The following MARCHF1 variants were observed in gnomAD, a reference collection of about 807,000 sequenced individuals.
MARCHF1 encodes membrane associated ring-CH-type finger 1, also known as E3 ubiquitin-protein ligase MARCHF1.
In MARCHF1, 40 loss-of-function variants were observed where a neutral mutation model predicts 54.2. The ratio of observed to expected loss-of-function variants is 0.74; its 90% CI spans 0.57 to 0.96. The LOEUF is 0.96. Ranked by LOEUF, MARCHF1 falls within the 40% of genes least tolerant of loss-of-function variation. The pLI is 0.00. For missense variants in MARCHF1, 586 were observed against 656.5 expected (o/e 0.89, Z 1.17); for synonymous variants, 236 against 236.3 (o/e 1.00, Z 0.01).
intron 4 of MARCHF1, among the ~76,000 whole-genome samples, chr4:163,833,736 T>TG (rs1348755241): frequency 6.6e-6 from 1 of 152,094 alleles, no homozygotes; most frequent in African/African-American, 2.4e-5. Context: ...TAACGTGGTG[T>TG]GGGGCATGTC....
rs184081001 is a variant in MARCHF1, at chr4:163,539,184, C to G, written c.1339+6412G>C. Among the ~76,000 whole-genome samples the G allele has an allele frequency of 1.4e-3, 213 of 152,090 alleles. 1 individual carries two copies. Among genetic ancestry groups the G allele is most frequent in the Non-Finnish European group, 2.5e-3 (172 of 67,992 alleles). On this transcript the variant is annotated intron_variant, in intron 9 of 9. Transcript: ENST00000514618. ...TACAGGCATGCACCACCATGCCCAG[C>G]TAAGTTTTGTATTTTTAGTAGAGAC...
intron 1 of MARCHF1, among the ~76,000 whole-genome samples, chr4:164,294,758 C>T (rs547922974): frequency 4.6e-5 from 7 of 152,108 alleles, no homozygotes; most frequent in Admixed American, 6.6e-5. Context: ...TATTGCAATG[C>T]TTCTTGGCCT....
At chr4:164,146,372 C>G (rs1334853232) in intron 1 of MARCHF1, among the ~76,000 whole-genome samples, 1 of 151,712 alleles carries the variant, frequency 6.6e-6, no homozygotes, top group Non-Finnish European at 1.5e-5. Flanking sequence ...CAAGTCAATC[C>G]TGAACCAAAA....
chr4:163,870,840 G>A (rs2111216120), intron 3 of MARCHF1, among the ~76,000 whole-genome samples: 1 of 152,240 alleles, frequency 6.6e-6, no homozygotes, highest in South Asian at 2.1e-4. Flanking sequence ...GGGAAGTGTG[G>A]AGGGAAGAGC....
chr4:164,142,407 G>T (rs1461900149), intron 1 of MARCHF1, among the ~76,000 whole-genome samples: 1 of 152,170 alleles, frequency 6.6e-6, no homozygotes, highest in Non-Finnish European at 1.5e-5. Flanking sequence ...AACCTCTGCA[G>T]ACTTAAATGT....
At chr4:163,552,973 C>T (rs1239854046) in intron 8 of MARCHF1, among the ~76,000 whole-genome samples, 1 of 147,754 alleles carries the variant, frequency 6.8e-6, no homozygotes, top group Non-Finnish European at 1.5e-5. Flanking sequence ...GCGGAGCTTG[C>T]AGTGAGCCGA....
intron 1 of MARCHF1, among the ~76,000 whole-genome samples, chr4:164,133,704 A>G (rs1481562720): frequency 6.6e-6 from 1 of 152,194 alleles, no homozygotes; most frequent in Non-Finnish European, 1.5e-5. Context: ...AGCCCAAAAA[A>G]AGAACTAAAA....
Position 163,613,335 on chromosome 4 carries a change from GGACA to G in MARCHF1, c.217_220del (p.Cys73HisfsTer29). The G allele has an allele frequency of 6.2e-7, 1 of 1,612,630 alleles. No homozygotes were observed. Among genetic ancestry groups the G allele is most frequent in the African/African-American group, 1.3e-5 (1 of 74,944 alleles). ...TTACCTGCAGATGTCCTGAGTGGATGGACAGACAGACAACCTTGACTGGCTCCTG... is the reference window on the plus strand; with the variant it reads ...TTACCTGCAGATGTCCTGAGTGGATGGACAGACAACCTTGACTGGCTCCTG... On this transcript the variant is annotated frameshift_variant, in exon 6 of 10. Transcript: ENST00000514618. LOFTEE classifies it high-confidence loss of function.
At chr4:164,301,919 G>C (rs1384430984) in intron 1 of MARCHF1, among the ~76,000 whole-genome samples, 1 of 152,140 alleles carries the variant, frequency 6.6e-6, no homozygotes, top group Non-Finnish European at 1.5e-5. Context: ...GAAAGACATA[G>C]GGTGCCCTAA....
At chr4:164,344,106 A>G (rs1231494219) in intron 1 of MARCHF1, among the ~76,000 whole-genome samples, 1 of 152,210 alleles carries the variant, frequency 6.6e-6, no homozygotes, top group Non-Finnish European at 1.5e-5. Context: ...CACAATCCTA[A>G]GCAAACAAAC....
chr4:164,241,705 A>T (rs1157945503), intron 1 of MARCHF1, among the ~76,000 whole-genome samples: 3 of 152,100 alleles, frequency 2.0e-5, no homozygotes, highest in Non-Finnish European at 4.4e-5. Context: ...CTGCATTTCC[A>T]TCTGAGGTAC....
At chr4:163,568,547 C>T (rs6818281) in intron 8 of MARCHF1, among the ~76,000 whole-genome samples, 69,272 of 151,828 alleles carry the variant, frequency 0.46, 15,904 homozygotes, top group East Asian at 0.52. Flanking sequence ...TCAAAAGACT[C>T]GAGCCTACCT....
chr4:163,862,591 T>C (rs1749962975), intron 3 of MARCHF1, among the ~76,000 whole-genome samples: 1 of 152,096 alleles, frequency 6.6e-6, no homozygotes, highest in Non-Finnish European at 1.5e-5. Flanking sequence ...AGGTATTCTT[T>C]TCCATTGCTC....
intron 3 of MARCHF1, among the ~76,000 whole-genome samples, chr4:163,915,305 C>A (rs749972624): frequency 1.3e-5 from 2 of 151,946 alleles, no homozygotes; most frequent in Non-Finnish European, 2.9e-5. Flanking sequence ...TCTGTGATAT[C>A]CCCACCCCAA....
chr4:164,184,789 C>T (rs1946566), intron 1 of MARCHF1, among the ~76,000 whole-genome samples: 57,263 of 151,928 alleles, frequency 0.38, 12,237 homozygotes, highest in Non-Finnish European at 0.49. Flanking sequence ...AGCCATAATG[C>T]CTAAATGTAA....
chr4:163,533,511 G>T (rs964001478), intron 9 of MARCHF1, among the ~76,000 whole-genome samples: 3 of 151,782 alleles, frequency 2.0e-5, no homozygotes, highest in Admixed American at 6.6e-5. Flanking sequence ...CTTTAATAAT[G>T]TAAGAATATT....
At chr4:164,035,823 G>A (rs1235429985) in intron 2 of MARCHF1, among the ~76,000 whole-genome samples, 5 of 150,668 alleles carry the variant, frequency 3.3e-5, no homozygotes, top group African/African-American at 9.7e-5. Context: ...GCTTACGCCT[G>A]TAATCTCAGC....
At chr4:163,576,411 T>C (rs78405656) in intron 8 of MARCHF1, among the ~76,000 whole-genome samples, 2,326 of 152,182 alleles carry the variant, frequency 0.015, 64 homozygotes, top group African/African-American at 0.05. Context: ...GTACGGTTGG[T>C]ATGATTTAGA....
intron 3 of MARCHF1, among the ~76,000 whole-genome samples, chr4:163,923,508 C>T (rs13125196): frequency 0.17 from 26,354 of 151,872 alleles, 2,844 homozygotes; most frequent in South Asian, 0.34. Context: ...CCAAGCTGAG[C>T]ATTACAGTTT....
Sources: allele counts gnomAD v4.1 joint callset (sites outside exome capture counted in the v4.1 genomes callset), GRCh38; gene constraint gnomAD v4.1.1; transcripts MANE v1.5; gene names NCBI Gene and HGNC (gene_info 2026-07-23, HGNC 2026-07-21).